Variants in PCDH15 observed in about 807,000 individuals in gnomAD.
PCDH15 encodes the protein protocadherin-15.
A neutral mutation model predicts 178.5 loss-of-function variants in PCDH15; 129 were observed. That is an observed-to-expected ratio of 0.72 (90% confidence interval 0.63 to 0.84). PCDH15 has a LOEUF of 0.84. PCDH15 is among the 40% of genes least tolerant of loss of function. The pLI, the probability that PCDH15 is intolerant of heterozygous loss-of-function variation, is 0.00. For synonymous variants in PCDH15, 800 were observed against 732.0 expected (o/e 1.09, Z -1.50); for missense variants, 2,230 against 2,099.9 (o/e 1.06, Z -1.21).
At chr10:54,511,099 A>C (rs2081610509) in intron 3 of PCDH15, among the ~76,000 whole-genome samples, 1 of 152,164 alleles carries the variant, frequency 6.6e-6, no homozygotes, top group Admixed American at 6.6e-5. Flanking sequence ...TTTAAAATGG[A>C]ATACATTGAT....
At chr10:55,502,531 A>G (rs1840678686) in intron 2 of PCDH15, among the ~76,000 whole-genome samples, 1 of 151,832 alleles carries the variant, frequency 6.6e-6, no homozygotes, top group Non-Finnish European at 1.5e-5. Flanking sequence ...CTTATTGCGC[A>G]GTGATAAAGT....
At chr10:54,544,825 CATTTT>C in intron 2 of PCDH15, among the ~76,000 whole-genome samples, 1 of 152,244 alleles carries the variant, frequency 6.6e-6, no homozygotes, top group Non-Finnish European at 1.5e-5. Flanking sequence ...ACATTAACAG[CATTTT>C]ATTATATCTC....
rs1564770180 is a variant in PCDH15, at chr10:54,242,185, TATACAC to T, written c.877-5260_877-5255del. 5.2e-3 allele frequency among the ~76,000 whole-genome samples: 417 copies of T among 79,444 alleles called. 20 individuals are homozygous for T. The highest frequency in any genetic ancestry group is 0.019 in the African/African-American group (381 of 19,740). The allele number at this position is 79,444 out of a possible 152,430, so 52.1% of individuals were successfully genotyped here. A position where few individuals can be genotyped will look rare whatever the true frequency, so the allele number is the denominator to read the frequency against. ...ATATATATATATATATATATATATA[TATACAC>T]ACACACACATACATACATACACATA... On this transcript the variant is annotated intron_variant, in intron 8 of 37. Coordinates refer to ENST00000644397, the MANE Select transcript of PCDH15 (RefSeq NM_001384140.1).
At chr10:54,559,557 G>A (rs2087777387) in intron 2 of PCDH15, among the ~76,000 whole-genome samples, 1 of 151,968 alleles carries the variant, frequency 6.6e-6, no homozygotes, top group Admixed American at 6.6e-5. Flanking sequence ...CAACTACTGA[G>A]ACCATATATT....
At chr10:55,530,289 T>A (rs1841420319) in intron 2 of PCDH15, among the ~76,000 whole-genome samples, 1 of 151,950 alleles carries the variant, frequency 6.6e-6, no homozygotes. Flanking sequence ...TTATTATTCT[T>A]ATCCATCTCA....
chr10:55,162,763 A>T (rs1471178205), intron 2 of PCDH15, among the ~76,000 whole-genome samples: 1 of 152,026 alleles, frequency 6.6e-6, no homozygotes, highest in Non-Finnish European at 1.5e-5. Context: ...ATGTCTTCCT[A>T]TTGTCAATGG....
intron 2 of PCDH15, among the ~76,000 whole-genome samples, chr10:55,105,828 AT>A (rs1488604123): frequency 6.6e-6 from 1 of 152,170 alleles, no homozygotes; most frequent in Non-Finnish European, 1.5e-5. Flanking sequence ...TTGAAAAAAA[AT>A]CAATCCATAA....
At chr10:55,529,849 A>C (rs534598609) in intron 2 of PCDH15, among the ~76,000 whole-genome samples, 111 of 147,814 alleles carry the variant, frequency 7.5e-4, no homozygotes, top group East Asian at 1.6e-3. Flanking sequence ...TTTCATGCAT[A>C]AAAATAAAGA....
intron 2 of PCDH15, among the ~76,000 whole-genome samples, chr10:55,116,135 G>C (rs1837623154): frequency 6.6e-6 from 1 of 152,134 alleles, no homozygotes. Context: ...TGATAGGATA[G>C]GTAAGTGGAG....
chr10:53,896,565 G>A (rs10763019), intron 26 of PCDH15, among the ~76,000 whole-genome samples: 97,434 of 151,558 alleles, frequency 0.64, 32,371 homozygotes, highest in East Asian at 0.87. Context: ...TGTAGGACAG[G>A]GGTCCCCAAC....
At chr10:54,315,283 G>A (rs922277557) in intron 8 of PCDH15, among the ~76,000 whole-genome samples, 4 of 152,148 alleles carry the variant, frequency 2.6e-5, no homozygotes, top group Non-Finnish European at 4.4e-5. Flanking sequence ...TTTCTCTAAC[G>A]ATTAGTGACA....
At chr10:53,857,394 A>C in intron 27 of PCDH15, 131 bp from the exon 28 acceptor site, 1 of 544,462 alleles carries the variant, frequency 1.8e-6, no homozygotes, top group Non-Finnish European at 3.3e-6. Flanking sequence ...TCAGGAACAA[A>C]TATATATACA....
At chr10:54,524,148 G>C (rs1468384570) in intron 3 of PCDH15, among the ~76,000 whole-genome samples, 1 of 152,058 alleles carries the variant, frequency 6.6e-6, no homozygotes, top group African/African-American at 2.4e-5. Flanking sequence ...CTTCTTCATT[G>C]AGTCCATCAT....
At position 54,846,484 on chromosome 10, in the gene PCDH15, G is replaced by GT. The variant is rs573472712; in HGVS notation, c.-29+50965dup. ...GCCTGATTCTTCTACATTTTTGAAGGTTTTTTGAGGGAGGTAAGGTCTTTG... is the reference window on the plus strand; with the variant it reads ...GCCTGATTCTTCTACATTTTTGAAGGTTTTTTTGAGGGAGGTAAGGTCTTTG... On this transcript the variant is annotated intron_variant, in intron 3 of 5. Transcript: ENST00000458638. 1.5e-3 allele frequency among the ~76,000 whole-genome samples: 228 copies of GT among 152,126 alleles called. 5 individuals carry two copies. The East Asian group carries it at 0.036, about 24-fold the overall frequency.
intron 8 of PCDH15, among the ~76,000 whole-genome samples, chr10:54,299,346 GAGAC>G (rs1414715457): frequency 5.3e-5 from 8 of 151,526 alleles, no homozygotes; most frequent in African/African-American, 1.5e-4. Context: ...AAAGAAGAGA[GAGAC>G]AGACAAGAAG....
chr10:54,523,435 A>G (rs988587286), intron 3 of PCDH15, among the ~76,000 whole-genome samples: 2 of 152,176 alleles, frequency 1.3e-5, no homozygotes, highest in Non-Finnish European at 2.9e-5. Flanking sequence ...TTCTTTGCTT[A>G]AACTACACTA....
chr10:54,420,500 T>A lies in PCDH15; in HGVS notation c.158-41558A>T, dbSNP rs1180235793. Among the ~76,000 whole-genome samples the A allele has an allele frequency of 2.0e-5, 3 of 152,098 alleles. No individual in the cohort carries two copies. In the South Asian group the frequency reaches 6.2e-4, roughly 32 times the overall value. ...GAATTGGGAGTACAGATATAAATGA[T>A]GAGATCTGAATACGATTCATGGAGC... On this transcript the variant is annotated intron_variant, in intron 3 of 37. Transcript: ENST00000644397.
rs1490765892 is a variant in PCDH15, at chr10:54,369,201, A to G, written c.393T>C (p.His131=). Residue 131 remains histidine, a synonymous_variant, in exon 5 of 38, where the codon CAT becomes CAC. Transcript: ENST00000644397. ...TGTCTCTCACCACTATTCGCACTTCATGGTAGATAATAGTGCCCACTTTTT... is the reference window on the plus strand; with the variant it reads ...TGTCTCTCACCACTATTCGCACTTCGTGGTAGATAATAGTGCCCACTTTTT... ...INKKVGTIIY[H]EVRIVVRDRN... is the part of the protein sequence containing the mutation. 1 of 1,612,846 alleles carries G rather than the reference A, an allele frequency of 6.2e-7. No individual in the cohort carries two copies. Among genetic ancestry groups the G allele is most frequent in the Non-Finnish European group, 8.5e-7 (1 of 1,179,382 alleles).
At chr10:54,581,893 C>T (rs568957248) in intron 2 of PCDH15, among the ~76,000 whole-genome samples, 1 of 152,150 alleles carries the variant, frequency 6.6e-6, no homozygotes, top group Non-Finnish European at 1.5e-5. Flanking sequence ...TCCTACCTTT[C>T]ACCATATAAT....
Sources: gnomAD v4.1 joint callset for allele counts (sites outside exome capture counted in the v4.1 genomes callset) on GRCh38, gnomAD v4.1.1 for gene constraint, MANE v1.5 for transcripts, NCBI Gene and HGNC (gene_info 2026-07-23, HGNC 2026-07-21) for gene names.